Variants in TBC1D22A observed in about 807,000 individuals in gnomAD.
TBC1D22A encodes TBC1 domain family member 22A.
A neutral mutation model predicts 60.2 loss-of-function variants in TBC1D22A; 38 were observed. The observed-to-expected ratio is 0.63, with a 90% CI of 0.49 to 0.83. The LOEUF (loss-of-function observed/expected upper bound fraction) is 0.83. TBC1D22A is among the 40% of genes least tolerant of loss of function. The probability of loss-of-function intolerance (pLI) is 0.00; values close to 1 mark genes in which losing one functional copy is unlikely to be tolerated. For synonymous variants in TBC1D22A, 302 were observed against 281.7 expected (o/e 1.07, Z -0.72); for missense variants, 628 against 701.0 (o/e 0.90, Z 1.18).
intron 3 of TBC1D22A, among the ~76,000 whole-genome samples, chr22:46,796,518 A>C (rs935467868): frequency 6.6e-6 from 1 of 152,100 alleles, no homozygotes; most frequent in Non-Finnish European, 1.5e-5. Flanking sequence ...AAAATGAGAT[A>C]GCTAGACAGG....
chr22:47,018,303 G>A (rs1775049304), intron 10 of TBC1D22A, among the ~76,000 whole-genome samples: 2 of 152,192 alleles, frequency 1.3e-5, no homozygotes, highest in African/African-American at 4.8e-5. Context: ...TGTGCCGTTG[G>A]TCTGTTCTGG....
At chr22:47,036,845 C>A (rs1479601847) in intron 10 of TBC1D22A, among the ~76,000 whole-genome samples, 1 of 152,254 alleles carries the variant, frequency 6.6e-6, no homozygotes, top group Non-Finnish European at 1.5e-5. Flanking sequence ...TGATTATAAT[C>A]ATCACTTCAG....
chr22:46,791,317 C>T (rs951742377), intron 1 of TBC1D22A, among the ~76,000 whole-genome samples: 18 of 152,200 alleles, frequency 1.2e-4, no homozygotes, highest in African/African-American at 4.3e-4. Context: ...AACAGAGATT[C>T]GTTTATTTCC....
In TBC1D22A at chr22:46,852,462, C is replaced by T. The variant is rs532200403; in HGVS notation, c.638-26191C>T. On this transcript the variant is annotated intron_variant, in intron 4 of 12. Coordinates refer to ENST00000337137, the MANE Select transcript of TBC1D22A (RefSeq NM_014346.5). ...GCTGAGCACAAGCTTATGAGACTTA[C>T]GGAATCTTCCCTCTGTATTTGGGAT... is the stretch of plus-strand genomic sequence containing the variant. Among the ~76,000 whole-genome samples the T allele has an allele frequency of 7.9e-5, 12 of 152,302 alleles. 2 individuals are homozygous for T. Among genetic ancestry groups the T allele is most frequent in the Admixed American group, 5.2e-4 (8 of 15,306 alleles).
chr22:46,864,782 G>A (rs763346769), intron 4 of TBC1D22A, among the ~76,000 whole-genome samples: 11 of 150,742 alleles, frequency 7.3e-5, no homozygotes, highest in Non-Finnish European at 1.2e-4. Flanking sequence ...AGGGAGTACC[G>A]TGGGCAGCTC....
intron 1 of TBC1D22A, among the ~76,000 whole-genome samples, chr22:46,779,077 A>C (rs1057246617): frequency 3.3e-4 from 50 of 152,254 alleles, no homozygotes; most frequent in African/African-American, 1.2e-3. Context: ...CAATTAGTAC[A>C]ATGAATACAT....
In TBC1D22A at chr22:46,840,793, C is replaced by A. The variant is rs145134618; in HGVS notation, c.638-37860C>A. The stretch of plus-strand genomic sequence containing the variant: ...CGTGAGAATTTGTAGAAAGGGGAAC[C>A]TTTTTACACCATTGGTGGGAATGTA... On this transcript the variant is annotated intron_variant, in intron 4 of 12. Transcript: ENST00000337137. 6.3e-3 allele frequency among the ~76,000 whole-genome samples: 949 copies of A among 151,794 alleles called. 3 individuals carry two copies. The highest frequency in any genetic ancestry group is 0.01 in the Non-Finnish European group (707 of 67,954).
intron 4 of TBC1D22A, among the ~76,000 whole-genome samples, chr22:46,865,288 G>C (rs2066997426): frequency 6.6e-6 from 1 of 152,184 alleles, no homozygotes; most frequent in Non-Finnish European, 1.5e-5. Flanking sequence ...ATGTTTTATT[G>C]TTTTACACTC....
At chr22:47,142,678 A>C in intron 12 of TBC1D22A, among the ~76,000 whole-genome samples, 2 of 105,236 alleles carry the variant, frequency 1.9e-5, no homozygotes, top group Non-Finnish European at 3.9e-5. Flanking sequence ...TCACCCACCT[A>C]TCTACCCACC....
chr22:46,769,014 A>C (rs2083393050), intron 1 of TBC1D22A, among the ~76,000 whole-genome samples: 2 of 150,786 alleles, frequency 1.3e-5, no homozygotes, highest in Admixed American at 1.3e-4. Flanking sequence ...GAATCATTTG[A>C]ATCTGGGAGG....
At chr22:47,172,177 G>C (rs1352135454) in intron 12 of TBC1D22A, among the ~76,000 whole-genome samples, 1 of 151,938 alleles carries the variant, frequency 6.6e-6, no homozygotes, top group Non-Finnish European at 1.5e-5. Flanking sequence ...AGCATGCCCA[G>C]TGAGCCTTGT....
At chr22:46,906,049 T>A (rs970608443) in intron 7 of TBC1D22A, among the ~76,000 whole-genome samples, 1 of 152,138 alleles carries the variant, frequency 6.6e-6, no homozygotes, top group African/African-American at 2.4e-5. Flanking sequence ...CTCAGCCACG[T>A]GCGGGGCGCC....
intron 10 of TBC1D22A, among the ~76,000 whole-genome samples, chr22:47,003,138 T>G (rs2061451200): frequency 6.6e-6 from 1 of 152,112 alleles, no homozygotes; most frequent in Non-Finnish European, 1.5e-5. Flanking sequence ...AAACTTCAAT[T>G]TCATATAAAC....
intron 9 of TBC1D22A, among the ~76,000 whole-genome samples, chr22:46,982,818 G>C (rs1158359385): frequency 6.6e-6 from 1 of 152,226 alleles, no homozygotes; most frequent in Non-Finnish European, 1.5e-5. Context: ...ACTGAGGGCA[G>C]CTGTAGACCT....
chr22:47,148,958 CCCTT>C (rs1188519804), intron 12 of TBC1D22A, among the ~76,000 whole-genome samples: 2 of 152,154 alleles, frequency 1.3e-5, no homozygotes, highest in Non-Finnish European at 2.9e-5. Context: ...TCCCATGTGT[CCCTT>C]CATGCCGGTT....
At chr22:46,979,011 A>G (rs1020925864) in intron 9 of TBC1D22A, among the ~76,000 whole-genome samples, 2 of 152,218 alleles carry the variant, frequency 1.3e-5, no homozygotes, top group Non-Finnish European at 2.9e-5. Flanking sequence ...TAGTTGTGAT[A>G]TGAAATCTGA....
chr22:46,766,340 A>G (rs1331394469), intron 1 of TBC1D22A, among the ~76,000 whole-genome samples: 1 of 151,552 alleles, frequency 6.6e-6, no homozygotes, highest in East Asian at 2.0e-4. Context: ...CATGTTGGCC[A>G]GGCTGGTCTT....
chr22:46,884,540 C>G (rs1381602555), intron 5 of TBC1D22A, among the ~76,000 whole-genome samples: 2 of 152,128 alleles, frequency 1.3e-5, no homozygotes, highest in Non-Finnish European at 2.9e-5. Context: ...GGCTGCTGGC[C>G]CTGCACAGAC....
intron 11 of TBC1D22A, among the ~76,000 whole-genome samples, chr22:47,076,158 A>G (rs1049343357): frequency 6.6e-6 from 1 of 152,050 alleles, no homozygotes; most frequent in Non-Finnish European, 1.5e-5. Flanking sequence ...GTGAGAAGGC[A>G]TAGAAGATTA....
Sources: gnomAD v4.1 joint callset for allele counts (sites outside exome capture counted in the v4.1 genomes callset) on GRCh38, gnomAD v4.1.1 for gene constraint, MANE v1.5 for transcripts, NCBI Gene and HGNC (gene_info 2026-07-23, HGNC 2026-07-21) for gene names.